Variants in NHS observed in about 807,000 individuals in gnomAD.
NHS encodes the protein actin remodeling regulator NHS.
A neutral mutation model predicts 72.5 loss-of-function variants in NHS; 5 were observed. That is an observed-to-expected ratio of 0.07 (90% CI 0.04 to 0.14). NHS has a LOEUF of 0.14. Among genes scored for constraint, NHS ranks in the 10% least tolerant of loss-of-function variants. The pLI is 1.00. For missense variants in NHS, 1,072 were observed against 1,355.7 expected, an observed-to-expected ratio of 0.79 and a Z score of 3.29; for synonymous variants, 464 against 547.7, an observed-to-expected ratio of 0.85 and a Z score of 2.13.
At chrX:17,724,223 A>T (rs984093356) in intron 5 of NHS, 76 bp from the exon 6 acceptor site, 1 of 1,173,155 alleles carries the variant, frequency 8.5e-7, no homozygotes, top group Non-Finnish European at 1.2e-6. Flanking sequence ...TCCCGTCAAA[A>T]ATATCACTGT....
intron 1 of NHS, among the ~76,000 whole-genome samples, chrX:17,598,131 G>T (rs1178969480): frequency 9.0e-6 from 1 of 111,292 alleles, no homozygotes; most frequent in East Asian, 2.8e-4. Flanking sequence ...GCTGTGTCCT[G>T]GCATGGGTCC....
intron 1 of NHS, among the ~76,000 whole-genome samples, chrX:17,555,134 A>G (rs1017517605): frequency 2.7e-5 from 3 of 110,797 alleles, no homozygotes. Flanking sequence ...TCTTTGAGTT[A>G]GAAGAATCTT....
chrX:17,648,549 G>A (rs1236573784), intron 1 of NHS, among the ~76,000 whole-genome samples: 6 of 112,413 alleles, frequency 5.3e-5, no homozygotes, highest in South Asian at 3.7e-4. Flanking sequence ...GAAATCTACC[G>A]TAATAACGAA....
At chrX:17,683,640 C>T (rs1253730879) in intron 1 of NHS, among the ~76,000 whole-genome samples, 1 of 111,603 alleles carries the variant, frequency 9.0e-6, no homozygotes, top group Non-Finnish European at 1.9e-5. Flanking sequence ...ATATAATGCA[C>T]CTGGCTTAGA....
chrX:17,704,759 G>A (rs767740876), intron 3 of NHS, among the ~76,000 whole-genome samples: 1 of 111,858 alleles, frequency 8.9e-6, no homozygotes, highest in Non-Finnish European at 1.9e-5. Context: ...ATGAGTGAAC[G>A]TAAATAAAAA....
intron 1 of NHS, chrX:17,635,719 C>T: frequency 1.3e-6 from 1 of 759,649 alleles, no homozygotes; most frequent in South Asian, 2.7e-5. Context: ...ACTATGTTTC[C>T]CAATGAAAGT....
At chrX:17,378,620 G>A (rs1030352785) in intron 1 of NHS, among the ~76,000 whole-genome samples, 1 of 111,981 alleles carries the variant, frequency 8.9e-6, no homozygotes, top group Non-Finnish European at 1.9e-5. Flanking sequence ...GCACAGAGAG[G>A]GGGTAGGGAA....
At chrX:17,594,142 G>C (rs1023439717) in intron 1 of NHS, among the ~76,000 whole-genome samples, 5 of 111,900 alleles carry the variant, frequency 4.5e-5, no homozygotes, top group African/African-American at 1.6e-4. Context: ...CCACTTTACA[G>C]ATGAAGAAAT....
At chrX:17,419,473 A>G (rs928916805) in intron 1 of NHS, among the ~76,000 whole-genome samples, 8 of 111,985 alleles carry the variant, frequency 7.1e-5, no homozygotes, top group African/African-American at 9.7e-5. Flanking sequence ...CATGTAGACA[A>G]CATGAAAAAA....
intron 1 of NHS, among the ~76,000 whole-genome samples, chrX:17,428,916 G>T (rs762516323): frequency 1.8e-5 from 2 of 110,976 alleles, no homozygotes; most frequent in African/African-American, 6.6e-5. Context: ...GCTTTTGCCT[G>T]TTCCCTCATC....
chrX:17,410,366 T>C (rs1569248104), intron 1 of NHS, among the ~76,000 whole-genome samples: 3 of 110,948 alleles, frequency 2.7e-5, no homozygotes, highest in Admixed American at 9.6e-5. Context: ...GAATTAAGCA[T>C]GGCGAGTTGA....
chrX:17,644,693 T>G, intron 1 of NHS, among the ~76,000 whole-genome samples: 1 of 111,262 alleles, frequency 9.0e-6, no homozygotes, highest in East Asian at 2.8e-4. Flanking sequence ...ATATCATCAT[T>G]TGAATTTTTT....
At chrX:17,535,262 G>A (rs1324085742) in intron 1 of NHS, among the ~76,000 whole-genome samples, 1 of 111,553 alleles carries the variant, frequency 9.0e-6, no homozygotes, top group East Asian at 2.8e-4. Context: ...TGCTTCTGCT[G>A]GGGTGTGATA....
intron 1 of NHS, among the ~76,000 whole-genome samples, chrX:17,414,520 G>A (rs1349326660): frequency 2.7e-5 from 3 of 111,766 alleles, no homozygotes; most frequent in Non-Finnish European, 5.6e-5. Flanking sequence ...CCGTCTCCGC[G>A]CCAGTGAAAC....
chrX:17,478,339 A>G (rs1035233995), intron 1 of NHS, among the ~76,000 whole-genome samples: 6 of 111,910 alleles, frequency 5.4e-5, no homozygotes, highest in African/African-American at 1.9e-4. Context: ...TCAGACCTCC[A>G]TCTCTAACGT....
At chrX:17,409,043 G>A (rs1601693109) in intron 1 of NHS, among the ~76,000 whole-genome samples, 2 of 111,855 alleles carry the variant, frequency 1.8e-5, no homozygotes, top group African/African-American at 6.5e-5. Context: ...CTGGATCAGA[G>A]CTCCACCCTC....
intron 1 of NHS, among the ~76,000 whole-genome samples, chrX:17,520,783 G>A (rs1355977003): frequency 8.9e-6 from 1 of 111,769 alleles, no homozygotes; most frequent in Admixed American, 9.5e-5. Context: ...GAGGCTGTAA[G>A]TAGAGGGTGT....
At chrX:17,408,412 AGAT>A (rs1449663402) in intron 1 of NHS, among the ~76,000 whole-genome samples, 5 of 111,691 alleles carry the variant, frequency 4.5e-5, no homozygotes, top group African/African-American at 6.5e-5. Context: ...GGTGCTCAGT[AGAT>A]GTTTGTGGTA....
intron 1 of NHS, among the ~76,000 whole-genome samples, chrX:17,541,767 AACACACACACACACACACACAC>A (rs57700886): frequency 1.8e-3 from 112 of 62,913 alleles, no homozygotes; most frequent in African/African-American, 8.0e-3. Context: ...TGAGTTTGCG[AACACACACACACACACACACAC>A]ACACACACAC....
Sources: gnomAD v4.1 joint callset for allele counts (sites outside exome capture counted in the v4.1 genomes callset) on GRCh38, gnomAD v4.1.1 for gene constraint, MANE v1.5 for transcripts, NCBI Gene and HGNC (gene_info 2026-07-23, HGNC 2026-07-21) for gene names.